The following LINGO2 variants were observed in gnomAD, a reference collection of about 807,000 sequenced individuals.
LINGO2 encodes the protein leucine rich repeat and Ig domain containing 2, also known as leucine-rich repeat and immunoglobulin-like domain-containing nogo receptor-interacting protein 2.
In LINGO2, 14 loss-of-function variants were observed where a neutral mutation model predicts 30.6. The observed-to-expected ratio is 0.46, with a 90% CI of 0.30 to 0.72. LINGO2 has a LOEUF of 0.72. Among genes scored for constraint, LINGO2 ranks in the 30% least tolerant of loss-of-function variants. LINGO2 has a pLI of 0.07. For synonymous variants in LINGO2, 317 were observed against 288.5 expected (o/e 1.10, Z -1.00); for missense variants, 729 against 751.7 (o/e 0.97, Z 0.35).
chr9:29,208,966 G>A, the LINGO2 span, among the ~76,000 whole-genome samples: 106 of 152,238 alleles, frequency 7.0e-4, 1 homozygote, highest in African/African-American at 2.5e-3. Flanking sequence ...TGTATCTGTT[G>A]AGTGATAATC....
At chr9:28,714,164 A>AATCTATCTATATATATATATATATAT in the LINGO2 span, among the ~76,000 whole-genome samples, 2 of 117,158 alleles carry the variant, frequency 1.7e-5, no homozygotes, top group Admixed American at 8.6e-5. Context: ...TGCCTCAAAT[A>AATCTATCTATATATATATATATATAT]ATATATATAT....
At chr9:29,101,613 C>T in the LINGO2 span, among the ~76,000 whole-genome samples, 1 of 152,050 alleles carries the variant, frequency 6.6e-6, no homozygotes, top group Admixed American at 6.5e-5. Flanking sequence ...TCTATATCCA[C>T]GAGTTCAACT....
chr9:28,461,210 G>T (rs1045584104), intron 2 of LINGO2, among the ~76,000 whole-genome samples: 2 of 152,058 alleles, frequency 1.3e-5, no homozygotes, highest in African/African-American at 4.8e-5. Flanking sequence ...ATAATGTTCC[G>T]GATGGGCTTT....
At chr9:28,589,532 CA>C (rs1298267592) in intron 1 of LINGO2, among the ~76,000 whole-genome samples, 1 of 151,928 alleles carries the variant, frequency 6.6e-6, no homozygotes, top group Non-Finnish European at 1.5e-5. Context: ...GCCAAATCAT[CA>C]GTGAACTCCC....
the LINGO2 span, among the ~76,000 whole-genome samples, chr9:28,701,703 T>C: frequency 5.3e-5 from 8 of 152,062 alleles, no homozygotes; most frequent in Admixed American, 5.3e-4. Context: ...TGACTGGGAT[T>C]GCATCAGATC....
the LINGO2 span, among the ~76,000 whole-genome samples, chr9:28,760,035 T>G: frequency 6.6e-6 from 1 of 152,128 alleles, no homozygotes; most frequent in African/African-American, 2.4e-5. Flanking sequence ...CTCAAGAAAC[T>G]TACTGTATAG....
chr9:28,040,468 A>G (rs1469425552), intron 4 of LINGO2, among the ~76,000 whole-genome samples: 1 of 150,404 alleles, frequency 6.6e-6, no homozygotes, highest in African/African-American at 2.5e-5. Flanking sequence ...CTACCTCACA[A>G]GACAGATGGC....
rs141668554 is a variant in LINGO2, at chr9:28,190,286, T to C, written c.-87+104922A>G. Among the ~76,000 whole-genome samples, 548 of 152,254 alleles carry C rather than the reference T, an allele frequency of 3.6e-3. 3 individuals carry two copies. Among genetic ancestry groups the C allele is most frequent in the African/African-American group, 0.012 (519 of 41,562 alleles). On this transcript the variant is annotated intron_variant, in intron 4 of 5. Transcript: ENST00000379992. ...TTTTTATTTTTTTCTCGGAAGAAGTTAGTAGCTTGTGCAGAGTTGCACAGT... is the reference window on the plus strand; with the variant it reads ...TTTTTATTTTTTTCTCGGAAGAAGTCAGTAGCTTGTGCAGAGTTGCACAGT...
At chr9:29,136,741 C>T in the LINGO2 span, among the ~76,000 whole-genome samples, 3 of 152,080 alleles carry the variant, frequency 2.0e-5, no homozygotes, top group Non-Finnish European at 4.4e-5. Context: ...CATACTAATG[C>T]ATAATATAGT....
At chr9:29,171,292 C>A in the LINGO2 span, among the ~76,000 whole-genome samples, 12 of 152,174 alleles carry the variant, frequency 7.9e-5, no homozygotes, top group Non-Finnish European at 1.5e-4. Context: ...GGCATGTTTT[C>A]TGGAACATGA....
intron 3 of LINGO2, among the ~76,000 whole-genome samples, chr9:28,333,060 C>T (rs1030791707): frequency 3.3e-5 from 5 of 152,106 alleles, no homozygotes; most frequent in African/African-American, 1.2e-4. Context: ...GATCAAAATC[C>T]AGCTGGTCTT....
At chr9:27,952,528 T>G (rs150910669) in intron 5 of LINGO2, among the ~76,000 whole-genome samples, 2 of 152,068 alleles carry the variant, frequency 1.3e-5, no homozygotes, top group South Asian at 4.1e-4. Context: ...TGCCATACAA[T>G]GCATTCACAC....
intron 1 of LINGO2, among the ~76,000 whole-genome samples, chr9:28,594,874 C>T (rs566162086): frequency 2.8e-4 from 42 of 152,024 alleles, no homozygotes; most frequent in Non-Finnish European, 5.3e-4. Context: ...TGCTCTATTA[C>T]TGATTTTTCA....
At chr9:28,380,049 T>A (rs1043516195) in intron 2 of LINGO2, among the ~76,000 whole-genome samples, 14 of 152,118 alleles carry the variant, frequency 9.2e-5, no homozygotes, top group Admixed American at 8.5e-4. Flanking sequence ...AGATTATTTA[T>A]GTCCTCTTTG....
At chr9:28,957,745 T>G in the LINGO2 span, among the ~76,000 whole-genome samples, 16 of 152,258 alleles carry the variant, frequency 1.1e-4, no homozygotes, top group Middle Eastern at 3.4e-3. Context: ...ATAAAAGAGG[T>G]TTGGCAAAGT....
At chr9:28,169,855 C>G (rs892769819) in intron 4 of LINGO2, among the ~76,000 whole-genome samples, 5 of 152,166 alleles carry the variant, frequency 3.3e-5, no homozygotes, top group Non-Finnish European at 7.4e-5. Context: ...TGGATTGCTT[C>G]CTTCCCAAAT....
the LINGO2 span, among the ~76,000 whole-genome samples, chr9:29,119,577 CTTTTTTTTTTTTT>C: frequency 1.2e-5 from 1 of 82,514 alleles, no homozygotes; most frequent in Non-Finnish European, 2.2e-5. Flanking sequence ...CAGTTGTCAT[CTTTTTTTTTTTTT>C]TTTTTTTTTT....
At chr9:27,985,381 G>A (rs1821077077) in intron 5 of LINGO2, among the ~76,000 whole-genome samples, 1 of 151,864 alleles carries the variant, frequency 6.6e-6, no homozygotes. Flanking sequence ...AAAAGGTTAG[G>A]ATATCCCCGA....
rs866860139 is a variant in LINGO2 at position 28,350,478 on chromosome 9, A to G, written c.-246+22358T>C. ...TCCTAAATATATATGCACCCAATAC[A>G]GGAGCACCAAGATTCATAAAGCGAG... On this transcript the variant is annotated intron_variant, in intron 3 of 5. Transcript: ENST00000379992. Among the ~76,000 whole-genome samples the G allele has an allele frequency of 5.7e-3, 856 of 149,528 alleles. 21 individuals are homozygous for G. The highest frequency in any genetic ancestry group is 0.019 in the African/African-American group (779 of 40,530).
Sources: gnomAD v4.1 joint callset for allele counts (sites outside exome capture counted in the v4.1 genomes callset) on GRCh38, gnomAD v4.1.1 for gene constraint, MANE v1.5 for transcripts, NCBI Gene and HGNC (gene_info 2026-07-23, HGNC 2026-07-21) for gene names.